DYNC1H1: variants seen among roughly 807,000 people sequenced by gnomAD.
The protein encoded by DYNC1H1 is dynein cytoplasmic 1 heavy chain 1, also known as cytoplasmic dynein 1 heavy chain 1.
In DYNC1H1, 51 loss-of-function variants were observed where a neutral mutation model predicts 527.1. The ratio of observed to expected loss-of-function variants is 0.10; its 90% CI spans 0.08 to 0.12. The LOEUF (loss-of-function observed/expected upper bound fraction) is 0.12, where lower values mean the gene tolerates loss of function less well. Among genes scored for constraint, DYNC1H1 ranks in the 10% least tolerant of loss-of-function variants. The pLI is 1.00. For synonymous variants in DYNC1H1, 2,189 were observed against 2,278.8 expected (o/e 0.96, Z 1.12); for missense variants, 2,771 against 5,971.8 (o/e 0.46, Z 17.66).
intron 1 of DYNC1H1, among the ~76,000 whole-genome samples, chr14:101,972,780 A>G (rs1441858595): frequency 1.3e-5 from 2 of 152,340 alleles, no homozygotes; most frequent in East Asian, 1.9e-4. Context: ...TCCTTTGATC[A>G]TTATAGAATG....
chr14:102,025,886 G>A (rs778723201), intron 43 of DYNC1H1, among the ~76,000 whole-genome samples: 11 of 152,156 alleles, frequency 7.2e-5, no homozygotes, highest in Non-Finnish European at 1.3e-4. Context: ...GGGAGGCCGA[G>A]ACCGGCAGAT....
intron 1 of DYNC1H1, among the ~76,000 whole-genome samples, chr14:101,967,783 C>T (rs181450003): frequency 6.6e-6 from 1 of 152,280 alleles, no homozygotes; most frequent in Non-Finnish European, 1.5e-5. Flanking sequence ...ACTAGGATCA[C>T]ACCACTTTGC....
rs1247065537 is a variant in DYNC1H1, at chr14:101,983,511, G to A, written c.1363G>A (p.Ala455Thr). 1.9e-6 allele frequency: 3 copies of A among 1,614,030 alleles called. No individual in the cohort carries two copies. The African/African-American group carries it at 4.0e-5, about 22-fold the overall frequency. The change falls in exon 7 of 78, where the codon GCC becomes ACC. Residue 455 changes from alanine to threonine, a missense_variant. By Grantham distance (58) the Ala-to-Thr change is moderately conservative. Transcript: ENST00000360184. This position sits in a 1 kb window ranked among gnomAD's most constrained non-coding sequence, Gnocchi z 5.3. ...NLKMVWRINP[A>T]HRKLQARLDQ... ...GAAGATGGTGTGGCGTATCAACCCT[G>A]CCCACAGGAAGCTGCAGGCCCGCCT...
chr14:101,979,262 A>G lies in DYNC1H1; in HGVS notation c.345-57A>G. On this transcript the variant is annotated intron_variant, in intron 2 of 77. Coordinates refer to ENST00000360184, the MANE Select transcript of DYNC1H1 (RefSeq NM_001376.5). This position sits in a 1 kb window ranked among gnomAD's most constrained non-coding sequence, Gnocchi z 4.6. ...TATATTCTTGTATGATTTTTAAATT[A>G]ATAAGCCTAATTAGGAGTGTAACTT... The G allele has an allele frequency of 1.3e-6, 2 of 1,540,648 alleles. No homozygotes were observed. Among genetic ancestry groups the G allele is most frequent in the South Asian group, 2.3e-5 (2 of 88,252 alleles).
Position 101,994,867 on chromosome 14 carries a change from G to A in DYNC1H1, c.3333+18G>A. On this transcript the variant is annotated intron_variant, in intron 13 of 77. Transcript: ENST00000360184. ...ATGGCAAGGTGAGCCCTGCTGTCTG[G>A]TTGAAAGGTGTCACGGGTAGTGTAA... is the stretch of plus-strand genomic sequence containing the variant. The A allele has an allele frequency of 6.2e-7, 1 of 1,614,184 alleles. No homozygotes were observed. Among genetic ancestry groups the A allele is most frequent in the African/African-American group, 1.3e-5 (1 of 75,040 alleles).
chr14:102,043,578 C>T (rs1206790837), intron 69 of DYNC1H1: 10 of 432,760 alleles, frequency 2.3e-5, no homozygotes, highest in Middle Eastern at 1.5e-3. Flanking sequence ...GCAGGGGTTT[C>T]GTTCTGTCAA....
intron 23 of DYNC1H1, among the ~76,000 whole-genome samples, chr14:102,003,550 T>A (rs1195104820): frequency 6.6e-6 from 1 of 152,218 alleles, no homozygotes; most frequent in African/African-American, 2.4e-5. Context: ...CATGAGCCAC[T>A]GCACCCAGCC....
At position 101,965,846 on chromosome 14, in the gene DYNC1H1, A is replaced by C. The variant is rs1486476841; in HGVS notation, c.256+899A>C. 6.6e-6 allele frequency among the ~76,000 whole-genome samples: 1 copy of C among 150,864 alleles called. No homozygotes were observed. Among genetic ancestry groups the C allele is most frequent in the Admixed American group, 6.6e-5 (1 of 15,118 alleles). On this transcript the variant is annotated intron_variant, in intron 1 of 77. Transcript: ENST00000360184. The surrounding 1 kb of genome is among the most constrained non-coding windows in gnomAD (Gnocchi z 4.1). The stretch of plus-strand genomic sequence containing the variant: ...AAAAAAAAAAAGATTCAGGTTAGGC[A>C]CCTAGTAGGGGGAAGAGGCTAGAGT...
chr14:101,975,689 G>C (rs763541043), intron 1 of DYNC1H1, 23 bp from the exon 2 acceptor site: 4 of 1,584,378 alleles, frequency 2.5e-6, no homozygotes, highest in South Asian at 1.1e-5. Flanking sequence ...ATATTAATTT[G>C]ATATATTTAT....
chr14:102,044,205 C>T lies in DYNC1H1; in HGVS notation c.12685-69C>T. The T allele has an allele frequency of 3.7e-5, 59 of 1,597,746 alleles. No homozygotes were observed. The highest frequency in any genetic ancestry group is 5.0e-5 in the Non-Finnish European group (59 of 1,172,632). ...TGGGGAGTGAGGAGGAAAGCTGTGC[C>T]CCTCGAAAGGAAGCCCCGGGCCTGC... On this transcript the variant is annotated intron_variant, in intron 70 of 77. Coordinates refer to ENST00000360184, the MANE Select transcript of DYNC1H1 (RefSeq NM_001376.5). This position sits in a 1 kb window ranked among gnomAD's most constrained non-coding sequence, Gnocchi z 7.1.
At chr14:101,971,693 T>C (rs2047740988) in intron 1 of DYNC1H1, among the ~76,000 whole-genome samples, 1 of 152,132 alleles carries the variant, frequency 6.6e-6, no homozygotes, top group Non-Finnish European at 1.5e-5. Flanking sequence ...ACCACTGCAC[T>C]CCAGCCTGGG....
Position 101,987,628 on chromosome 14 carries a change from T to C in DYNC1H1, c.2714T>C (p.Met905Thr), listed in dbSNP as rs1566999778. Residue 905 changes from methionine (M) to threonine (T), a missense_variant, in exon 9 of 78, where the codon ATG becomes ACG. This residue lies in a region of DYNC1H1 where 179 missense variants were observed against 349.4 expected (regional missense o/e 0.51). Transcript: ENST00000360184. ...CCCATCTGGGTCAACAAGCTTGACATGGAGGTAAGGGATAGAATTTGCTAG... is the reference window on the plus strand; with the variant it reads ...CCCATCTGGGTCAACAAGCTTGACACGGAGGTAAGGGATAGAATTTGCTAG... Reference protein sequence around the residue: ...NLPIWVNKLDMEIERILGVRL... With the variant: ...NLPIWVNKLDTEIERILGVRL... 6.2e-7 allele frequency: 1 copy of C among 1,614,186 alleles called. No homozygotes were observed. Among genetic ancestry groups the C allele is most frequent in the African/African-American group, 1.3e-5 (1 of 75,038 alleles).
At chr14:102,035,332 A>G (rs781486356) in intron 56 of DYNC1H1, 2 of 152,248 alleles carry the variant, frequency 1.3e-5, no homozygotes, top group Non-Finnish European at 2.9e-5. Context: ...GTTAAAGGGG[A>G]AGTACTACCT....
chr14:101,993,264 A>G (rs759746377), intron 11 of DYNC1H1, among the ~76,000 whole-genome samples: 2 of 152,080 alleles, frequency 1.3e-5, no homozygotes, highest in Non-Finnish European at 2.9e-5. Context: ...ACAAGGTACC[A>G]TCACCTCTCA....
At chr14:101,981,741 A>G (rs2047867123) in intron 5 of DYNC1H1, among the ~76,000 whole-genome samples, 1 of 152,216 alleles carries the variant, frequency 6.6e-6, no homozygotes, top group African/African-American at 2.4e-5. Context: ...GATTTTTTTA[A>G]CACCTCTGAA....
rs372499971 is a variant in DYNC1H1 at position 102,020,061 on chromosome 14, G to A, written c.8507+5G>A. Reference sequence around the variant, plus strand: ...TCTGCGTCTCTTCCAAGATAGGTAAGGGAAGCCGAGGATCCAGTTGGTCCC... The same window carrying A: ...TCTGCGTCTCTTCCAAGATAGGTAAAGGAAGCCGAGGATCCAGTTGGTCCC... On this transcript the variant is annotated splice_donor_5th_base_variant and intron_variant, in intron 42 of 77. Transcript: ENST00000360184. The surrounding 1 kb of genome is among the most constrained non-coding windows in gnomAD (Gnocchi z 4.3). 6.2e-7 allele frequency: 1 copy of A among 1,614,036 alleles called. No homozygotes were observed. Among genetic ancestry groups the A allele is most frequent in the Non-Finnish European group, 8.5e-7 (1 of 1,179,960 alleles).
In DYNC1H1 at chr14:101,987,652, A is replaced by G. The variant is rs370794188; in HGVS notation, c.2718+20A>G. 2 of 1,614,044 alleles carry G rather than the reference A, an allele frequency of 1.2e-6. No homozygotes were observed. The highest frequency in any genetic ancestry group is 1.7e-6 in the Non-Finnish European group (2 of 1,179,936). ...ATGGAGGTAAGGGATAGAATTTGCT[A>G]GCATTTTCCTCCTTTTTCTTCTGCT... On this transcript the variant is annotated intron_variant, in intron 9 of 77. Transcript: ENST00000360184.
chr14:102,001,122 C>G lies in DYNC1H1; in HGVS notation c.4186-23C>G, dbSNP rs893766699. ...CCATTAGAAACGCACCTGCACAGAT[C>G]ACTTTGTTTACTTTCTCCACAGATA... is the stretch of plus-strand genomic sequence containing the variant. On this transcript the variant is annotated intron_variant, in intron 19 of 77. Transcript: ENST00000360184. The surrounding 1 kb of genome is among the most constrained non-coding windows in gnomAD (Gnocchi z 5.0). 2 of 1,614,034 alleles carry G rather than the reference C, an allele frequency of 1.2e-6. No homozygotes were observed. The highest frequency in any genetic ancestry group is 2.7e-5 in the African/African-American group (2 of 74,918).
rs1022604836 is a variant in DYNC1H1, at chr14:102,039,613, A to G, written c.11596-25A>G. 6 of 1,614,072 alleles carry G rather than the reference A, an allele frequency of 3.7e-6. No individual in the cohort carries two copies. In the South Asian group the frequency reaches 4.4e-5, roughly 12 times the overall value. ...AGGGTGCTGCTTCTCTTATGGAACAACATCGTCTCCTGCTCTTGTCCCAGG... is the reference window on the plus strand; with the variant it reads ...AGGGTGCTGCTTCTCTTATGGAACAGCATCGTCTCCTGCTCTTGTCCCAGG... On this transcript the variant is annotated intron_variant, in intron 61 of 77. Transcript: ENST00000360184. This position sits in a 1 kb window ranked among gnomAD's most constrained non-coding sequence, Gnocchi z 7.0.
Sources: allele counts gnomAD v4.1 joint callset (sites outside exome capture counted in the v4.1 genomes callset), GRCh38; gene constraint gnomAD v4.1.1; regional missense constraint gnomAD v4.1.1; non-coding constraint Gnocchi (gnomAD v3.1); transcripts MANE v1.5; gene names NCBI Gene and HGNC (gene_info 2026-07-23, HGNC 2026-07-21).